The following ENOX1 variants were observed in gnomAD, a reference collection of about 807,000 sequenced individuals.
The protein encoded by ENOX1 is candidate growth-related and time keeping constitutive hydroquinone (NADH) oxidase.
In ENOX1, 42 loss-of-function variants were observed where a neutral mutation model predicts 82.5. That is an observed-to-expected ratio of 0.51 (90% CI 0.40 to 0.66). The LOEUF is 0.66. Ranked by LOEUF, ENOX1 falls within the 30% of genes least tolerant of loss-of-function variation. The pLI is 0.00. For missense variants in ENOX1, 608 were observed against 811.6 expected (o/e 0.75, Z 3.05); for synonymous variants, 271 against 282.2 (o/e 0.96, Z 0.40).
At chr13:43,779,837 T>C (rs1443161618) in intron 1 of ENOX1, among the ~76,000 whole-genome samples, 1 of 152,138 alleles carries the variant, frequency 6.6e-6, no homozygotes, top group Non-Finnish European at 1.5e-5. Context: ...GCATGTTCTC[T>C]TCCATGAGCA....
chr13:43,782,598 C>T (rs1188644782), intron 1 of ENOX1, among the ~76,000 whole-genome samples: 1 of 152,144 alleles, frequency 6.6e-6, no homozygotes, highest in Non-Finnish European at 1.5e-5. Context: ...TTAATACTGT[C>T]ACTACATTGT....
At chr13:43,755,415 G>A (rs888157104) in intron 1 of ENOX1, among the ~76,000 whole-genome samples, 3 of 151,968 alleles carry the variant, frequency 2.0e-5, no homozygotes, top group African/African-American at 7.3e-5. Context: ...AGGAGGCCTC[G>A]GGCACTGCTT....
At chr13:43,652,615 A>G (rs889456292) in intron 2 of ENOX1, among the ~76,000 whole-genome samples, 2 of 152,190 alleles carry the variant, frequency 1.3e-5, no homozygotes, top group Admixed American at 1.3e-4. Context: ...CAGACAGAAG[A>G]GTTTTTAAAA....
Position 43,470,366 on chromosome 13 carries a change from G to GTA in ENOX1, c.-75+13641_-75+13642dup, listed in dbSNP as rs1427781888. On this transcript the variant is annotated intron_variant, in intron 3 of 16. Transcript: ENST00000690772. ...CGTATATATATATGTATATATATAC[G>GTA]TATATATATACATATATATACGTAT... Among the ~76,000 whole-genome samples, 42 of 7,190 alleles carry GTA rather than the reference G, an allele frequency of 5.8e-3. 3 individuals are homozygous for GTA. The highest frequency in any genetic ancestry group is 0.013 in the Non-Finnish European group (30 of 2,286). The allele number at this position is 7,190 out of a possible 152,430, so 4.7% of individuals were successfully genotyped here. A position where few individuals can be genotyped will look rare whatever the true frequency, so the allele number is the denominator to read the frequency against.
At chr13:43,708,885 T>G (rs767883729) in intron 1 of ENOX1, among the ~76,000 whole-genome samples, 3 of 152,082 alleles carry the variant, frequency 2.0e-5, no homozygotes, top group Non-Finnish European at 4.4e-5. Context: ...ATAAAAAAAT[T>G]CTGCTCTTCA....
At chr13:43,434,690 G>A (rs906858363) in intron 3 of ENOX1, among the ~76,000 whole-genome samples, 15 of 152,168 alleles carry the variant, frequency 9.9e-5, no homozygotes, top group African/African-American at 3.1e-4. Context: ...GCAGTTTCAT[G>A]TAGTTCAACC....
chr13:43,293,949 G>GA (rs889679520), intron 12 of ENOX1, among the ~76,000 whole-genome samples: 1 of 151,602 alleles, frequency 6.6e-6, no homozygotes. Context: ...TGAGTATAAA[G>GA]AAAAAAATGC....
rs6561114 is a variant in ENOX1 at position 43,297,048 on chromosome 13, G to T, written c.1446+1298C>A. 3.9e-3 allele frequency among the ~76,000 whole-genome samples: 598 copies of T among 152,276 alleles called. 5 individuals carry two copies. Among genetic ancestry groups the T allele is most frequent in the African/African-American group, 0.014 (580 of 41,560 alleles). On this transcript the variant is annotated intron_variant, in intron 12 of 16. Transcript: ENST00000690772. ...AACTGTAATGACATTTTCCTGGCTG[G>T]CTCTGACCTCTGAATCTCACTGATT...
At chr13:43,312,211 A>G (rs1218855716) in intron 11 of ENOX1, among the ~76,000 whole-genome samples, 1 of 152,234 alleles carries the variant, frequency 6.6e-6, no homozygotes, top group African/African-American at 2.4e-5. Context: ...CCAAGATCAG[A>G]ATTTCCCTGA....
intron 1 of ENOX1, among the ~76,000 whole-genome samples, chr13:43,686,213 A>T (rs1477657792): frequency 3.3e-5 from 5 of 152,210 alleles, no homozygotes; most frequent in Admixed American, 3.3e-4. Context: ...ATCTTGAGGT[A>T]GACTGGTAGT....
intron 5 of ENOX1, among the ~76,000 whole-genome samples, chr13:43,384,264 A>G (rs1025672994): frequency 2.6e-5 from 4 of 152,242 alleles, no homozygotes; most frequent in African/African-American, 9.6e-5. Context: ...GAATGACAGC[A>G]GCTACTCTAA....
chr13:43,726,356 A>T (rs1260779528), intron 1 of ENOX1, among the ~76,000 whole-genome samples: 1 of 151,458 alleles, frequency 6.6e-6, no homozygotes, highest in Non-Finnish European at 1.5e-5. Context: ...AGCTGGTATT[A>T]TAGGCGTGCA....
At chr13:43,284,362 T>C (rs2045570034) in intron 12 of ENOX1, among the ~76,000 whole-genome samples, 1 of 152,098 alleles carries the variant, frequency 6.6e-6, no homozygotes, top group Non-Finnish European at 1.5e-5. Flanking sequence ...GACTGAAAAA[T>C]GTGTAACACA....
At chr13:43,372,519 T>G (rs2051309392) in intron 5 of ENOX1, among the ~76,000 whole-genome samples, 1 of 152,034 alleles carries the variant, frequency 6.6e-6, no homozygotes, top group African/African-American at 2.4e-5. Flanking sequence ...AGCTTGGGAG[T>G]GCTTGAAAAA....
chr13:43,344,605 G>T lies in ENOX1; in HGVS notation c.969C>A (p.Thr323=). 10 of 1,614,090 alleles carry T rather than the reference G, an allele frequency of 6.2e-6. No individual in the cohort carries two copies. The highest frequency in any genetic ancestry group is 8.5e-6 in the Non-Finnish European group (10 of 1,180,012). The change falls in exon 9 of 17, where the codon ACC becomes ACA. Residue 323 remains threonine, a synonymous_variant. Coordinates refer to ENST00000690772, the MANE Select transcript of ENOX1 (RefSeq NM_001347969.2). ...TGGCTTCCTCCATCTCTTGCTCATG[G>T]GTGGCTTTTTCATTCATTAGCCGGC... ...HVRRLMNEKA[T]HEQEMEEAKE...
At chr13:43,693,186 C>A (rs1242619998) in intron 1 of ENOX1, among the ~76,000 whole-genome samples, 1 of 151,914 alleles carries the variant, frequency 6.6e-6, no homozygotes, top group Non-Finnish European at 1.5e-5. Flanking sequence ...CTTCTTTATA[C>A]CTTCTTTCCT....
At chr13:43,372,458 A>G (rs996304258) in intron 5 of ENOX1, among the ~76,000 whole-genome samples, 1 of 152,164 alleles carries the variant, frequency 6.6e-6, no homozygotes, top group African/African-American at 2.4e-5. Flanking sequence ...GAGGGGCAGT[A>G]GGGTAAGTAT....
At chr13:43,379,998 T>C (rs1044039482) in intron 5 of ENOX1, among the ~76,000 whole-genome samples, 7 of 151,826 alleles carry the variant, frequency 4.6e-5, no homozygotes, top group African/African-American at 1.7e-4. Flanking sequence ...CAGAAGACAC[T>C]AGAATAGCAC....
At chr13:43,257,244 G>T (rs1183020831) in intron 14 of ENOX1, among the ~76,000 whole-genome samples, 1 of 152,132 alleles carries the variant, frequency 6.6e-6, no homozygotes, top group Admixed American at 6.6e-5. Context: ...AGGTTGACAA[G>T]AGTTAACAGT....
Sources: allele counts gnomAD v4.1 joint callset (sites outside exome capture counted in the v4.1 genomes callset), GRCh38; gene constraint gnomAD v4.1.1; transcripts MANE v1.5; gene names NCBI Gene and HGNC (gene_info 2026-07-23, HGNC 2026-07-21).